Variants in ASIC2 observed in about 807,000 individuals in gnomAD.
ASIC2 encodes acid sensing ion channel subunit 2, also known as acid-sensing ion channel 2.
A neutral mutation model predicts 57.3 loss-of-function variants in ASIC2; 25 were observed. That is an observed-to-expected ratio of 0.44 (90% CI 0.32 to 0.61). ASIC2 has a LOEUF of 0.61. Ranked by LOEUF, ASIC2 falls within the 20% of genes least tolerant of loss-of-function variation. The pLI, the probability that ASIC2 is intolerant of heterozygous loss-of-function variation, is 0.06. For synonymous variants in ASIC2, 319 were observed against 307.5 expected (o/e 1.04, Z -0.39); for missense variants, 641 against 738.1 (o/e 0.87, Z 1.52).
At chr17:33,036,074 A>T (rs888181652) in intron 3 of ASIC2, among the ~76,000 whole-genome samples, 11 of 152,214 alleles carry the variant, frequency 7.2e-5, no homozygotes, top group African/African-American at 2.7e-4. Context: ...GTCAAATAGT[A>T]GTTTTAAAAT....
chr17:33,047,461 C>G (rs548751296), intron 3 of ASIC2, among the ~76,000 whole-genome samples: 2 of 152,260 alleles, frequency 1.3e-5, no homozygotes, highest in Admixed American at 1.3e-4. Context: ...ACCTCAGCCT[C>G]TGAGGTAGCT....
At chr17:33,469,018 C>A (rs1454687983) in intron 1 of ASIC2, among the ~76,000 whole-genome samples, 2 of 152,152 alleles carry the variant, frequency 1.3e-5, no homozygotes, top group African/African-American at 4.8e-5. Flanking sequence ...GAGGCCTGGG[C>A]CCCAGAGAAG....
chr17:33,071,379 T>C (rs1010572366), intron 3 of ASIC2, among the ~76,000 whole-genome samples: 2 of 152,244 alleles, frequency 1.3e-5, no homozygotes, highest in Non-Finnish European at 2.9e-5. Context: ...TTATCCAGTG[T>C]ATTTTTAAAA....
chr17:33,184,379 T>G (rs956807124), intron 1 of ASIC2, among the ~76,000 whole-genome samples: 5 of 152,082 alleles, frequency 3.3e-5, no homozygotes, highest in African/African-American at 1.2e-4. Context: ...AAGTCATGAA[T>G]GCCTGGAGTT....
chr17:33,389,354 T>A (rs1909809664), intron 1 of ASIC2, among the ~76,000 whole-genome samples: 2 of 151,772 alleles, frequency 1.3e-5, no homozygotes, highest in Admixed American at 1.3e-4. Flanking sequence ...AGTCTGAACT[T>A]AACTGCAAAG....
intron 1 of ASIC2, among the ~76,000 whole-genome samples, chr17:33,610,724 TA>T (rs2142015386): frequency 6.6e-6 from 1 of 151,242 alleles, no homozygotes; most frequent in African/African-American, 2.4e-5. Flanking sequence ...AAAAAATAAA[TA>T]AATAAATAAA....
At chr17:33,134,650 T>C (rs938062612) in intron 1 of ASIC2, among the ~76,000 whole-genome samples, 1 of 152,220 alleles carries the variant, frequency 6.6e-6, no homozygotes, top group African/African-American at 2.4e-5. Context: ...TAATTCTGGA[T>C]GGTAAGCATT....
chr17:33,759,957 C>T (rs1170870011), intron 1 of ASIC2, among the ~76,000 whole-genome samples: 1 of 152,134 alleles, frequency 6.6e-6, no homozygotes, highest in East Asian at 1.9e-4. Context: ...GCCATGGGAA[C>T]ACACTCTCAC....
At chr17:33,482,162 A>G (rs1405376804) in intron 1 of ASIC2, among the ~76,000 whole-genome samples, 4 of 152,120 alleles carry the variant, frequency 2.6e-5, no homozygotes, top group Non-Finnish European at 5.9e-5. Context: ...ACCCTCTGCC[A>G]TGACTGTCTT....
At chr17:33,075,805 TG>T in intron 3 of ASIC2, among the ~76,000 whole-genome samples, 2 of 152,230 alleles carry the variant, frequency 1.3e-5, no homozygotes, top group African/African-American at 4.8e-5. Context: ...GCAAAAGGCA[TG>T]GAAGTGAAGG....
intron 1 of ASIC2, among the ~76,000 whole-genome samples, chr17:33,989,397 C>A (rs968272950): frequency 6.6e-6 from 1 of 152,016 alleles, no homozygotes; most frequent in East Asian, 1.9e-4. Flanking sequence ...AACAGAGGGA[C>A]TTGGCCCATC....
At chr17:34,120,722 CTTT>C (rs142959293) in intron 1 of ASIC2, among the ~76,000 whole-genome samples, 11 of 94,642 alleles carry the variant, frequency 1.2e-4, no homozygotes, top group African/African-American at 4.6e-4. Flanking sequence ...TGGGGTCCTT[CTTT>C]TTTTTTTTTT....
At chr17:33,175,012 C>A (rs1476337142) in intron 1 of ASIC2, among the ~76,000 whole-genome samples, 1 of 152,092 alleles carries the variant, frequency 6.6e-6, no homozygotes, top group Non-Finnish European at 1.5e-5. Context: ...CTTTCTTTAT[C>A]AAAATTTAAA....
intron 1 of ASIC2, among the ~76,000 whole-genome samples, chr17:33,282,881 T>C (rs990246479): frequency 6.6e-6 from 1 of 152,240 alleles, no homozygotes; most frequent in African/African-American, 2.4e-5. Context: ...CCCATCCAGA[T>C]AACCCAGGAT....
intron 3 of ASIC2, among the ~76,000 whole-genome samples, chr17:33,038,167 G>A (rs2091916758): frequency 1.3e-5 from 2 of 152,152 alleles, no homozygotes; most frequent in South Asian, 4.1e-4. Context: ...GATTAAATAA[G>A]TTCAGTGCCC....
intron 1 of ASIC2, among the ~76,000 whole-genome samples, chr17:33,765,498 GT>G (rs1396399447): frequency 6.6e-6 from 1 of 152,150 alleles, no homozygotes; most frequent in Non-Finnish European, 1.5e-5. Context: ...ACCCAAAGAT[GT>G]TGTCTCAGGC....
intron 1 of ASIC2, among the ~76,000 whole-genome samples, chr17:33,762,069 T>C (rs1048443375): frequency 3.9e-5 from 6 of 152,000 alleles, no homozygotes; most frequent in Non-Finnish European, 8.8e-5. Context: ...GAGAAATGAG[T>C]GGGCCATTTG....
At chr17:33,573,975 G>C (rs188846107) in intron 1 of ASIC2, among the ~76,000 whole-genome samples, 3 of 152,256 alleles carry the variant, frequency 2.0e-5, no homozygotes, top group Admixed American at 2.0e-4. Context: ...GATACAGGCT[G>C]CTTACTCATT....
chr17:34,079,278 TC>T (rs1055131526), intron 1 of ASIC2, among the ~76,000 whole-genome samples: 1 of 152,058 alleles, frequency 6.6e-6, no homozygotes, highest in African/African-American at 2.4e-5. Context: ...GCCCACTCCC[TC>T]CCCCCAGTAT....
Sources: allele counts gnomAD v4.1 joint callset (sites outside exome capture counted in the v4.1 genomes callset), GRCh38; gene constraint gnomAD v4.1.1; transcripts MANE v1.5; gene names NCBI Gene and HGNC (gene_info 2026-07-23, HGNC 2026-07-21).